The following ACOT9 variants were observed in gnomAD, a reference collection of about 807,000 sequenced individuals.
ACOT9 encodes acyl-coenzyme A thioesterase 9, mitochondrial.
Under a neutral mutation model 39.7 loss-of-function variants are expected in ACOT9, and 34 were observed. The observed-to-expected ratio is 0.86, with a 90% CI of 0.65 to 1.14. The LOEUF (loss-of-function observed/expected upper bound fraction) is 1.14. ACOT9 is among the 50% of genes most tolerant of loss of function. The probability of loss-of-function intolerance (pLI) is 0.00; values close to 1 mark genes in which losing one functional copy is unlikely to be tolerated. For missense variants in ACOT9, 313 were observed against 344.1 expected (o/e 0.91, Z 0.71); for synonymous variants, 110 against 120.5 (o/e 0.91, Z 0.57).
At position 23,726,478 on chromosome X, in the gene ACOT9, G is replaced by C. The variant is rs144252212; in HGVS notation, c.401-3725C>G. ...CAGTAAAGGGGCCAATGGCGAGCTT[G>C]GCAAGAGCAGATTCAATGGCGTGGA... On this transcript the variant is annotated intron_variant, in intron 6 of 15. Coordinates refer to ENST00000379303, the MANE Select transcript of ACOT9 (RefSeq NM_001037171.2). Among the ~76,000 whole-genome samples, 241 of 110,365 alleles carry C rather than the reference G, an allele frequency of 2.2e-3. 8 individuals are homozygous for C. The East Asian group carries it at 0.055, about 25-fold the overall frequency.
intron 4 of ACOT9, among the ~76,000 whole-genome samples, chrX:23,732,352 T>C (rs140184918): frequency 0.014 from 1,551 of 112,385 alleles, 6 homozygotes; most frequent in Non-Finnish European, 0.021. Flanking sequence ...TTGTTGGAGA[T>C]AAGCGAAGGC....
chrX:23,742,237 G>GGA (rs1287296568), intron 1 of ACOT9, among the ~76,000 whole-genome samples: 80 of 42,923 alleles, frequency 1.9e-3, no homozygotes, highest in Non-Finnish European at 2.2e-3. Flanking sequence ...AGAGAGAGAG[G>GGA]GAGAGAGAGA....
chrX:23,717,777 G>A (rs189648132), intron 8 of ACOT9, among the ~76,000 whole-genome samples: 1 of 112,032 alleles, frequency 8.9e-6, no homozygotes, highest in African/African-American at 3.2e-5. Context: ...CACCTCAACA[G>A]TATTTATAAT....
intron 14 of ACOT9, 45 bp from the exon 15 acceptor site, chrX:23,704,889 G>A: frequency 1.7e-6 from 2 of 1,177,450 alleles, no homozygotes; most frequent in East Asian, 6.0e-5. Context: ...CATTAGGAAG[G>A]GGAAAAAGGC....
Position 23,703,051 on chromosome X carries a change from T to C in ACOT9, c.*843A>G, listed in dbSNP as rs1257966672. On this transcript the variant is annotated 3_prime_UTR_variant, in exon 16 of 16. Transcript: ENST00000379303. ...CATCTCTAAACACCTTCTAATGGTA[T>C]GGTTTCAGACCTAAATCTTCCCACA... 6.2e-5 allele frequency: 7 copies of C among 112,413 alleles called. No homozygotes were observed. Among genetic ancestry groups the C allele is most frequent in the Admixed American group, 9.5e-5 (1 of 10,529 alleles). The allele number at this position is 112,413 out of a possible 1,213,427, so 9.3% of individuals were successfully genotyped here. A position where few individuals can be genotyped will look rare whatever the true frequency, so the allele number is the denominator to read the frequency against.
intron 6 of ACOT9, among the ~76,000 whole-genome samples, chrX:23,723,617 A>C (rs987958135): frequency 9.2e-6 from 1 of 108,766 alleles, no homozygotes; most frequent in African/African-American, 3.3e-5. Context: ...AAAAAAAAAA[A>C]AAAAAAGTTG....
rs1463396625 is a variant in ACOT9 at position 23,726,101 on chromosome X, G to A, written c.401-3348C>T. 1.5e-4 allele frequency among the ~76,000 whole-genome samples: 16 copies of A among 109,886 alleles called. No individual in the cohort carries two copies. In the Admixed American group the frequency reaches 1.5e-3, roughly 10 times the overall value. On this transcript the variant is annotated intron_variant, in intron 6 of 15. Transcript: ENST00000379303. ...TGTTATCCCAGCTACATGGGAGGCTGAGGCAGGAGAATCCCTTGAACCCGG... is the reference window on the plus strand; with the variant it reads ...TGTTATCCCAGCTACATGGGAGGCTAAGGCAGGAGAATCCCTTGAACCCGG...
intron 6 of ACOT9, among the ~76,000 whole-genome samples, chrX:23,728,160 G>T (rs1391206217): frequency 9.0e-6 from 1 of 111,154 alleles, no homozygotes; most frequent in Non-Finnish European, 1.9e-5. Context: ...CAATATATTA[G>T]AACCCTTTTT....
chrX:23,743,023 C>A (rs1046468581), intron 1 of ACOT9, 102 bp downstream of exon 1: 1 of 990,714 alleles, frequency 1.0e-6, no homozygotes, highest in African/African-American at 1.9e-5. Flanking sequence ...AATGCCCATG[C>A]GTGGCCCACT....
At chrX:23,735,281 A>C (rs2146856365) in intron 2 of ACOT9, among the ~76,000 whole-genome samples, 1 of 105,203 alleles carries the variant, frequency 9.5e-6, no homozygotes, top group East Asian at 2.9e-4. Context: ...GAATGGACAG[A>C]AAGTACCTCA....
At chrX:23,705,952 C>A in intron 11 of ACOT9, 94 bp from the exon 12 acceptor site, 9 of 783,050 alleles carry the variant, frequency 1.1e-5, no homozygotes, top group Non-Finnish European at 1.7e-5. Context: ...TACACTCAGA[C>A]AACTGTGGCT....
At chrX:23,737,495 T>C (rs1368947010) in intron 1 of ACOT9, among the ~76,000 whole-genome samples, 3 of 112,384 alleles carry the variant, frequency 2.7e-5, no homozygotes, top group African/African-American at 9.7e-5. Context: ...TAGGTTTCTC[T>C]TCTGAATGAC....
chrX:23,705,548 T>C lies in ACOT9; in HGVS notation c.980A>G (p.Lys327Arg). The change falls in exon 13 of 16, where the codon AAG (lysine) becomes AGG (arginine). Residue 327 changes from lysine (K) to arginine (R), a missense_variant. Coordinates refer to ENST00000379303, the MANE Select transcript of ACOT9 (RefSeq NM_001037171.2). ...AGTAGCCCACGCAAGTTCATATGCC[T>C]TCCTCATAAGGAAACCACCAAAGAT... ...NRIFGGFLMRKAYELAWATAC... is the reference protein window; with the variant it reads ...NRIFGGFLMRRAYELAWATAC... 1 of 1,211,152 alleles carries C rather than the reference T, an allele frequency of 8.3e-7. No homozygotes were observed. The highest frequency in any genetic ancestry group is 1.1e-6 in the Non-Finnish European group (1 of 895,172).
intron 15 of ACOT9, 120 bp from the exon 16 acceptor site, chrX:23,704,102 C>T (rs953377468): frequency 1.0e-4 from 51 of 508,815 alleles, no homozygotes; most frequent in Non-Finnish European, 1.3e-4. Context: ...ACTGTTGGGC[C>T]GGGGTGTGCC....
intron 11 of ACOT9, 49 bp downstream of exon 11, chrX:23,706,579 A>T: frequency 1.5e-6 from 1 of 685,229 alleles, no homozygotes; most frequent in Admixed American, 3.0e-5. Flanking sequence ...AAAAAAAAAA[A>T]AGGCCAAGGT....
At position 23,708,000 on chromosome X, in the gene ACOT9, TTGAAGA is replaced by T. The variant is rs140359546; in HGVS notation, c.663-62_663-57del. The T allele has an allele frequency of 8.3e-3, 8,477 of 1,025,538 alleles. 33 individuals carry two copies. Among genetic ancestry groups the T allele is most frequent in the Middle Eastern group, 0.012 (35 of 2,814 alleles). 84.5% of individuals were successfully genotyped at this position (1,025,538 alleles called of 1,213,427 possible). A position where few individuals can be genotyped will look rare whatever the true frequency, so the allele number is the denominator to read the frequency against. On this transcript the variant is annotated intron_variant, in intron 9 of 15. Coordinates refer to ENST00000379303, the MANE Select transcript of ACOT9 (RefSeq NM_001037171.2). Reference sequence around the variant, plus strand: ...AAGATATGCCATTATCTAATAAAACTTGAAGATGAACAATCACCTACTACTTTTAAA... The same window carrying T: ...AAGATATGCCATTATCTAATAAAACTTGAACAATCACCTACTACTTTTAAA...
chrX:23,715,497 G>A (rs939990636), intron 8 of ACOT9, among the ~76,000 whole-genome samples: 3 of 110,399 alleles, frequency 2.7e-5, no homozygotes, highest in East Asian at 2.8e-4. Context: ...TCTAATAGGC[G>A]GGCATTTGAA....
chrX:23,714,202 C>T (rs1929001484), intron 8 of ACOT9, among the ~76,000 whole-genome samples: 1 of 110,958 alleles, frequency 9.0e-6, no homozygotes. Context: ...GCAGGGCGTG[C>T]CTGTCCTCCT....
chrX:23,720,582 T>C (rs1278620907), intron 8 of ACOT9, among the ~76,000 whole-genome samples: 1 of 111,433 alleles, frequency 9.0e-6, no homozygotes, highest in Non-Finnish European at 1.9e-5. Context: ...CAAGGAACGC[T>C]AGGGATTGCC....
Sources: allele counts gnomAD v4.1 joint callset (sites outside exome capture counted in the v4.1 genomes callset), GRCh38; gene constraint gnomAD v4.1.1; transcripts MANE v1.5; gene names NCBI Gene and HGNC (gene_info 2026-07-23, HGNC 2026-07-21).